The following PAQR5 variants were observed in gnomAD, a reference collection of about 807,000 sequenced individuals.
The protein encoded by PAQR5 is progestin and adipoQ receptor family member 5, also known as membrane progestin receptor gamma.
A neutral mutation model predicts 34.5 loss-of-function variants in PAQR5; 20 were observed. That is an observed-to-expected ratio of 0.58 (90% CI 0.41 to 0.84). The LOEUF is 0.84. PAQR5 is among the 40% of genes least tolerant of loss of function. PAQR5 has a pLI of 0.00. For synonymous variants in PAQR5, 131 were observed against 155.6 expected, an observed-to-expected ratio of 0.84 and a Z score of 1.18; for missense variants, 378 against 412.7, an observed-to-expected ratio of 0.92 and a Z score of 0.73.
At chr15:69,379,385 G>A in intron 3 of PAQR5, 1 of 977,980 alleles carries the variant, frequency 1.0e-6, no homozygotes, top group South Asian at 4.7e-5. Context: ...TCAGCATCGT[G>A]GTCCTCATCA....
At chr15:69,338,598 C>G (rs1318500354) in intron 2 of PAQR5, among the ~76,000 whole-genome samples, 1 of 152,178 alleles carries the variant, frequency 6.6e-6, no homozygotes, top group African/African-American at 2.4e-5. Flanking sequence ...CCCTTGTCAG[C>G]AGGAAGAAGC....
chr15:69,299,326 T>G (rs1352569759), intron 1 of PAQR5, among the ~76,000 whole-genome samples: 3 of 152,146 alleles, frequency 2.0e-5, no homozygotes, highest in Non-Finnish European at 4.4e-5. Context: ...TCGAGGGCGG[T>G]GAGGGGAGCT....
intron 4 of PAQR5, among the ~76,000 whole-genome samples, chr15:69,381,181 C>T (rs939792493): frequency 3.3e-5 from 5 of 152,208 alleles, no homozygotes; most frequent in Admixed American, 3.3e-4. Flanking sequence ...CAAATTATAA[C>T]CCTTCAGAAG....
intron 2 of PAQR5, among the ~76,000 whole-genome samples, chr15:69,350,068 T>G (rs1372394628): frequency 6.6e-6 from 1 of 152,200 alleles, no homozygotes; most frequent in East Asian, 1.9e-4. Flanking sequence ...AGGCCAGACT[T>G]TACAATGGGA....
chr15:69,381,636 C>T (rs553200639), intron 4 of PAQR5, among the ~76,000 whole-genome samples: 80 of 152,246 alleles, frequency 5.3e-4, no homozygotes, highest in Middle Eastern at 3.4e-3. Flanking sequence ...CACTTCTACA[C>T]GGTGCCAGGC....
At chr15:69,331,215 T>G (rs1159071251) in intron 1 of PAQR5, among the ~76,000 whole-genome samples, 1 of 152,128 alleles carries the variant, frequency 6.6e-6, no homozygotes, top group East Asian at 1.9e-4. Context: ...TTCTCGCCAC[T>G]GGTTCTGTAG....
chr15:69,339,566 A>G (rs1595871717), intron 2 of PAQR5, among the ~76,000 whole-genome samples: 2 of 151,904 alleles, frequency 1.3e-5, no homozygotes, highest in Non-Finnish European at 2.9e-5. Flanking sequence ...TCTGCCTCCC[A>G]GGTTCAAGCA....
At chr15:69,397,845 ATCTT>A (rs2140251814) in intron 7 of PAQR5, 1 of 463,758 alleles carries the variant, frequency 2.2e-6, no homozygotes, top group East Asian at 3.9e-5. Context: ...AGTCTGATAT[ATCTT>A]TCTTTCCCCC....
intron 4 of PAQR5, 139 bp downstream of exon 4, chr15:69,380,149 G>C: frequency 1.2e-6 from 1 of 858,742 alleles, no homozygotes. Context: ...CGCGGGTGAA[G>C]GGAGTGTGTG....
intron 1 of PAQR5, among the ~76,000 whole-genome samples, chr15:69,324,704 G>A (rs1254082974): frequency 6.6e-6 from 1 of 151,832 alleles, no homozygotes; most frequent in East Asian, 1.9e-4. Context: ...TCTTCATCTG[G>A]CCTCTGTTTT....
chr15:69,386,091 C>T (rs2056100027), intron 5 of PAQR5, among the ~76,000 whole-genome samples: 2 of 151,788 alleles, frequency 1.3e-5, no homozygotes, highest in African/African-American at 4.8e-5. Context: ...CACTCACATC[C>T]ACATACGCAC....
At chr15:69,330,813 C>A (rs559878741) in intron 1 of PAQR5, among the ~76,000 whole-genome samples, 1 of 152,170 alleles carries the variant, frequency 6.6e-6, no homozygotes, top group Admixed American at 6.5e-5. Flanking sequence ...ATTGCAATTC[C>A]CCTGTCTTGA....
At chr15:69,395,245 GGGCAGA>G (rs2056388086) in intron 6 of PAQR5, among the ~76,000 whole-genome samples, 1 of 152,196 alleles carries the variant, frequency 6.6e-6, no homozygotes, top group African/African-American at 2.4e-5. Context: ...TCTGCTCCAG[GGGCAGA>G]GCGGGCAGGG....
chr15:69,304,754 C>T (rs2053677894), intron 1 of PAQR5, among the ~76,000 whole-genome samples: 1 of 152,160 alleles, frequency 6.6e-6, no homozygotes, highest in Non-Finnish European at 1.5e-5. Context: ...CAGTCTTCCT[C>T]TGATTATCTG....
rs34728909 is a variant in PAQR5 at position 69,346,297 on chromosome 15, A to ATTTTTTTT, written c.-116+8815_-116+8822dup. Among the ~76,000 whole-genome samples the ATTTTTTTT allele has an allele frequency of 8.6e-5, 7 of 81,494 alleles. 2 individuals are homozygous for ATTTTTTTT. The highest frequency in any genetic ancestry group is 1.6e-4 in the African/African-American group (3 of 18,672). The allele number at this position is 81,494 out of a possible 152,430, so 53.5% of individuals were successfully genotyped here. A position where few individuals can be genotyped will look rare whatever the true frequency, so the allele number is the denominator to read the frequency against. The stretch of plus-strand genomic sequence containing the variant: ...TGTGATTGGCCATGGATATTTTGTA[A>ATTTTTTTT]TTTTTTTTTTTTTTTTTTTTTTTTT... On this transcript the variant is annotated intron_variant, in intron 2 of 8. Transcript: ENST00000395407.
intron 5 of PAQR5, among the ~76,000 whole-genome samples, chr15:69,387,990 G>A (rs1188535713): frequency 6.6e-6 from 1 of 152,200 alleles, no homozygotes; most frequent in East Asian, 1.9e-4. Context: ...CCGGAGCACA[G>A]AAGATGCTTC....
At chr15:69,363,654 C>A (rs1473229506) in intron 3 of PAQR5, among the ~76,000 whole-genome samples, 1 of 148,806 alleles carries the variant, frequency 6.7e-6, no homozygotes, top group African/African-American at 2.5e-5. Context: ...TCAAGCGATT[C>A]TCCTTCTCCT....
At chr15:69,305,739 T>G (rs2053701509) in intron 1 of PAQR5, among the ~76,000 whole-genome samples, 1 of 151,560 alleles carries the variant, frequency 6.6e-6, no homozygotes, top group Non-Finnish European at 1.5e-5. Context: ...GTGTGGGTGT[T>G]GTTAGACGCA....
At chr15:69,308,141 G>A (rs1034666453) in intron 1 of PAQR5, among the ~76,000 whole-genome samples, 1 of 152,202 alleles carries the variant, frequency 6.6e-6, no homozygotes, top group Non-Finnish European at 1.5e-5. Context: ...CCAGGACACA[G>A]GGTGGCCTCT....
Sources: allele counts gnomAD v4.1 joint callset (sites outside exome capture counted in the v4.1 genomes callset), GRCh38; gene constraint gnomAD v4.1.1; transcripts MANE v1.5; gene names NCBI Gene and HGNC (gene_info 2026-07-23, HGNC 2026-07-21).